Variants in DNAJB6 observed in about 807,000 individuals in gnomAD.
DNAJB6 encodes dnaJ homolog subfamily B member 6.
In DNAJB6, 16 loss-of-function variants were observed where a neutral mutation model predicts 42.7. The observed-to-expected ratio is 0.37, with a 90% CI of 0.25 to 0.57. The LOEUF is 0.57. Ranked by LOEUF, DNAJB6 falls within the 20% of genes least tolerant of loss-of-function variation. The pLI is 0.74. For synonymous variants in DNAJB6, 170 were observed against 163.5 expected, an observed-to-expected ratio of 1.04 and a Z score of -0.30; for missense variants, 347 against 416.8, an observed-to-expected ratio of 0.83 and a Z score of 1.46.
chr7:157,390,474 T>C (rs1307605313), intron 8 of DNAJB6, among the ~76,000 whole-genome samples: 1 of 152,230 alleles, frequency 6.6e-6, no homozygotes, highest in Admixed American at 6.5e-5. Flanking sequence ...AGCTGGTTAC[T>C]GAACTGACTG....
intron 2 of DNAJB6, 62 bp from the exon 3 acceptor site, chr7:157,363,092 ATGTTAGT>A (rs1261467109): frequency 4.6e-5 from 49 of 1,071,168 alleles, no homozygotes; most frequent in Non-Finnish European, 6.5e-5. Flanking sequence ...GTGGTTAATG[ATGTTAGT>A]TTCAAAAGCA....
intron 1 of DNAJB6, among the ~76,000 whole-genome samples, chr7:157,348,325 C>A (rs966593370): frequency 5.3e-5 from 8 of 152,172 alleles, no homozygotes. Context: ...AACTCCTGAC[C>A]TCAAGTGATC....
At chr7:157,390,827 A>G (rs953301746) in intron 8 of DNAJB6, among the ~76,000 whole-genome samples, 6 of 151,854 alleles carry the variant, frequency 4.0e-5, no homozygotes, top group African/African-American at 1.2e-4. Context: ...TCATTCCTTT[A>G]TATTATTTTA....
chr7:157,377,922 C>T (rs1326121897), intron 5 of DNAJB6, among the ~76,000 whole-genome samples: 1 of 152,202 alleles, frequency 6.6e-6, no homozygotes, highest in East Asian at 1.9e-4. Context: ...AGACAACCAA[C>T]AGTGCACTAG....
At chr7:157,339,281 CTTTTTTTTTTTTTTTTT>C (rs34284253) in intron 1 of DNAJB6, among the ~76,000 whole-genome samples, 4 of 68,288 alleles carry the variant, frequency 5.9e-5, no homozygotes, top group South Asian at 4.8e-4. Flanking sequence ...CTGTTTGCAC[CTTTTTTTTTTTTTTTTT>C]TTTTTTTTTT....
chr7:157,416,196 A>G lies in DNAJB6; in HGVS notation c.*98A>G, dbSNP rs1796104403. ...GCGCTAGGTAGCAGCGTCGGTCAGG[A>G]CTGTCTCGAGGCCACACTCGCTCGG... On this transcript the variant is annotated 3_prime_UTR_variant, in exon 10 of 10. Transcript: ENST00000262177. 1 of 1,533,788 alleles carries G rather than the reference A, an allele frequency of 6.5e-7. No individual in the cohort carries two copies. Among genetic ancestry groups the G allele is most frequent in the Non-Finnish European group, 8.8e-7 (1 of 1,134,156 alleles).
chr7:157,369,156 C>G, intron 5 of DNAJB6: 1 of 395,058 alleles, frequency 2.5e-6, no homozygotes, highest in Non-Finnish European at 5.1e-6. Context: ...GCGTGCTCAT[C>G]GTTTAAGTGC....
At chr7:157,389,895 A>C (rs1439178694) in intron 8 of DNAJB6, among the ~76,000 whole-genome samples, 1 of 152,014 alleles carries the variant, frequency 6.6e-6, no homozygotes, top group African/African-American at 2.4e-5. Context: ...TTCACTAAGG[A>C]CTCGACTCTG....
At chr7:157,410,357 G>A (rs937455482) in intron 9 of DNAJB6, 13 of 427,538 alleles carry the variant, frequency 3.0e-5, no homozygotes, top group African/African-American at 2.0e-4. Flanking sequence ...CTTAGGCCGG[G>A]TGGTCTCGTG....
At chr7:157,348,090 C>T (rs1464212936) in intron 1 of DNAJB6, among the ~76,000 whole-genome samples, 1 of 150,058 alleles carries the variant, frequency 6.7e-6, no homozygotes, top group Non-Finnish European at 1.5e-5. Flanking sequence ...GCCACCATGC[C>T]TGGCCTTATT....
intron 3 of DNAJB6, among the ~76,000 whole-genome samples, chr7:157,363,516 C>A (rs1033719291): frequency 6.6e-6 from 1 of 152,150 alleles, no homozygotes; most frequent in African/African-American, 2.4e-5. Context: ...GTTTTAAAAG[C>A]GGGACTAGAC....
intron 1 of DNAJB6, among the ~76,000 whole-genome samples, chr7:157,354,653 T>TA (rs373528070): frequency 6.6e-6 from 1 of 152,178 alleles, no homozygotes; most frequent in East Asian, 1.9e-4. Context: ...TCTGCACATT[T>TA]ATAAGCTGAC....
chr7:157,351,383 C>A (rs748362689), intron 1 of DNAJB6, among the ~76,000 whole-genome samples: 6 of 152,018 alleles, frequency 3.9e-5, no homozygotes, highest in Non-Finnish European at 7.4e-5. Flanking sequence ...AATCCCAGCA[C>A]TTTGGGAGGC....
intron 8 of DNAJB6, among the ~76,000 whole-genome samples, chr7:157,399,949 G>A (rs1019110092): frequency 9.2e-5 from 14 of 152,160 alleles, no homozygotes; most frequent in African/African-American, 2.4e-4. Flanking sequence ...GATGACAGAC[G>A]TGAGCCGCCG....
intron 8 of DNAJB6, among the ~76,000 whole-genome samples, chr7:157,387,249 G>A (rs943731723): frequency 6.6e-6 from 1 of 152,228 alleles, no homozygotes; most frequent in Non-Finnish European, 1.5e-5. Flanking sequence ...ATTGGGGACA[G>A]TTGAAGTACA....
At chr7:157,362,338 T>C (rs1027891399) in intron 2 of DNAJB6, among the ~76,000 whole-genome samples, 17 of 152,160 alleles carry the variant, frequency 1.1e-4, no homozygotes, top group East Asian at 3.9e-4. Context: ...ATGGTGATGT[T>C]GGATCTTGCT....
intron 1 of DNAJB6, among the ~76,000 whole-genome samples, chr7:157,354,212 A>G (rs1021415722): frequency 1.3e-5 from 2 of 151,806 alleles, no homozygotes; most frequent in African/African-American, 2.4e-5. Flanking sequence ...CAATGGTGCG[A>G]TCTCGGCTCA....
chr7:157,337,814 C>G (rs767405144), intron 1 of DNAJB6: 2 of 152,230 alleles, frequency 1.3e-5, no homozygotes, highest in Non-Finnish European at 2.9e-5. Context: ...TAAGGAAGGT[C>G]AGTGACACAC....
chr7:157,412,169 A>T (rs1419857279), intron 9 of DNAJB6: 7 of 152,194 alleles, frequency 4.6e-5, no homozygotes, highest in Non-Finnish European at 1.0e-4. Context: ...GACAAAGCTG[A>T]CTCAAAGGAT....
Sources: gnomAD v4.1 joint callset for allele counts (sites outside exome capture counted in the v4.1 genomes callset) on GRCh38, gnomAD v4.1.1 for gene constraint, MANE v1.5 for transcripts, NCBI Gene and HGNC (gene_info 2026-07-23, HGNC 2026-07-21) for gene names.